The following PTPRK variants were observed in gnomAD, a reference collection of about 807,000 sequenced individuals.
The protein encoded by PTPRK is protein tyrosine phosphatase receptor type K, also known as receptor-type tyrosine-protein phosphatase kappa.
PTPRK carries 75 observed loss-of-function variants against 178.0 expected under a neutral mutation model. That is an observed-to-expected ratio of 0.42 (90% CI 0.35 to 0.51). The LOEUF (loss-of-function observed/expected upper bound fraction) is 0.51, where lower values mean the gene tolerates loss of function less well. Among genes scored for constraint, PTPRK ranks in the 20% least tolerant of loss-of-function variants. The pLI, the probability that PTPRK is intolerant of heterozygous loss-of-function variation, is 0.02. For synonymous variants in PTPRK, 637 were observed against 620.6 expected, an observed-to-expected ratio of 1.03 and a Z score of -0.39; for missense variants, 1,441 against 1,797.8, an observed-to-expected ratio of 0.80 and a Z score of 3.59.
intron 1 of PTPRK, among the ~76,000 whole-genome samples, chr6:128,487,651 T>C (rs560811769): frequency 1.5e-4 from 23 of 152,064 alleles, no homozygotes; most frequent in Non-Finnish European, 2.1e-4. Context: ...CAAAAGGGAA[T>C]GATCTAATAG....
At chr6:128,136,782 A>G (rs999543570) in intron 7 of PTPRK, among the ~76,000 whole-genome samples, 6 of 152,198 alleles carry the variant, frequency 3.9e-5, no homozygotes, top group Non-Finnish European at 7.3e-5. Flanking sequence ...GCCAACAAAG[A>G]AAATGCATTC....
Position 128,342,921 on chromosome 6 carries a change from T to TA in PTPRK, c.224-20612dup, listed in dbSNP as rs772077585. Among the ~76,000 whole-genome samples the TA allele has an allele frequency of 2.2e-3, 329 of 149,976 alleles. 1 individual carries two copies. The highest frequency in any genetic ancestry group is 3.4e-3 in the Middle Eastern group (1 of 292). ...GGGCAACATAGCAAGGCCTCATTTC[T>TA]AAAAAAAAACAATTAAAAAATTAAA... On this transcript the variant is annotated intron_variant, in intron 2 of 29. Transcript: ENST00000368226.
intron 24 of PTPRK, among the ~76,000 whole-genome samples, chr6:127,982,424 C>T (rs1160898679): frequency 6.6e-6 from 1 of 152,170 alleles, no homozygotes; most frequent in Non-Finnish European, 1.5e-5. Flanking sequence ...AGGCACCCGC[C>T]ACCATGCCTG....
At chr6:128,507,991 G>A (rs1465858273) in intron 1 of PTPRK, among the ~76,000 whole-genome samples, 1 of 151,962 alleles carries the variant, frequency 6.6e-6, no homozygotes, top group Non-Finnish European at 1.5e-5. Context: ...TACTTGTTTG[G>A]GTAGTTTTGA....
intron 2 of PTPRK, among the ~76,000 whole-genome samples, chr6:128,328,474 G>A (rs1371043687): frequency 1.3e-5 from 2 of 152,148 alleles, no homozygotes; most frequent in African/African-American, 4.8e-5. Context: ...TAAATTACCA[G>A]AAAATGTCAA....
intron 7 of PTPRK, among the ~76,000 whole-genome samples, chr6:128,167,436 A>T (rs1440693147): frequency 1.3e-5 from 2 of 151,950 alleles, no homozygotes; most frequent in African/African-American, 4.8e-5. Flanking sequence ...CTTATATATT[A>T]TTCTAGTTTT....
At position 128,119,270 on chromosome 6, in the gene PTPRK, G is replaced by T. The variant is rs369975860; in HGVS notation, c.1163-29278C>A. On this transcript the variant is annotated intron_variant, in intron 7 of 29. Coordinates refer to ENST00000368226, the MANE Select transcript of PTPRK (RefSeq NM_002844.4). The stretch of plus-strand genomic sequence containing the variant: ...ACACAAGCCATGGATGTGTTTTTTG[G>T]TTTTTTTTTTAAATTTACATTCCTT... Among the ~76,000 whole-genome samples, 590 of 147,532 alleles carry T rather than the reference G, an allele frequency of 4.0e-3. 2 individuals carry two copies. The highest frequency in any genetic ancestry group is 5.2e-3 in the Admixed American group (76 of 14,754).
intron 3 of PTPRK, among the ~76,000 whole-genome samples, chr6:128,285,513 T>TAA (rs751427928): frequency 8.0e-6 from 1 of 124,544 alleles, no homozygotes. Flanking sequence ...AGACTCTGTC[T>TAA]AAAAAAAAAA....
intron 3 of PTPRK, among the ~76,000 whole-genome samples, chr6:128,316,331 C>G (rs1827989394): frequency 6.6e-6 from 1 of 152,154 alleles, no homozygotes; most frequent in Non-Finnish European, 1.5e-5. Context: ...AAGAAAAAAT[C>G]ATGCATTGAA....
Position 128,134,121 on chromosome 6 carries a change from T to C in PTPRK, c.1163-44129A>G, listed in dbSNP as rs537750574. ...AATAATTAGCAATAAACTATATTTG[T>C]GAGGAAGGATATATTTCCATTTCCA... On this transcript the variant is annotated intron_variant, in intron 7 of 29. Coordinates refer to ENST00000368226, the MANE Select transcript of PTPRK (RefSeq NM_002844.4). 3.3e-5 allele frequency among the ~76,000 whole-genome samples: 5 copies of C among 152,276 alleles called. No individual in the cohort carries two copies. In the South Asian group the frequency reaches 1.0e-3, roughly 32 times the overall value.
intron 13 of PTPRK, among the ~76,000 whole-genome samples, chr6:128,030,295 T>A (rs183538343): frequency 6.6e-6 from 1 of 152,098 alleles, no homozygotes; most frequent in African/African-American, 2.4e-5. Flanking sequence ...GCACCAAAGG[T>A]GACTAAAGTC....
At chr6:128,119,491 A>G (rs566829494) in intron 7 of PTPRK, among the ~76,000 whole-genome samples, 5 of 152,220 alleles carry the variant, frequency 3.3e-5, no homozygotes, top group Admixed American at 3.3e-4. Context: ...AAAATTATAT[A>G]ATAGAAGTTT....
At chr6:128,126,605 G>A (rs1793417940) in intron 7 of PTPRK, among the ~76,000 whole-genome samples, 1 of 152,016 alleles carries the variant, frequency 6.6e-6, no homozygotes. Context: ...TCCCACCTCA[G>A]CCTCCCAGGT....
intron 2 of PTPRK, among the ~76,000 whole-genome samples, chr6:128,336,471 A>T (rs1350658054): frequency 6.6e-6 from 1 of 152,204 alleles, no homozygotes; most frequent in African/African-American, 2.4e-5. Flanking sequence ...CGCTGGGAAA[A>T]TGGGAGGTAA....
chr6:128,413,779 C>T (rs991314508), intron 1 of PTPRK, among the ~76,000 whole-genome samples: 2 of 152,096 alleles, frequency 1.3e-5, no homozygotes, highest in African/African-American at 4.8e-5. Flanking sequence ...AAATGTGATG[C>T]CTACCTAGAA....
In PTPRK at chr6:127,992,563, G is replaced by A. The variant is rs563717399; in HGVS notation, c.2881+110C>T. 1.1e-5 allele frequency: 9 copies of A among 816,794 alleles called. No individual in the cohort carries two copies. In the Admixed American group the frequency reaches 1.7e-4, roughly 16 times the overall value. 50.6% of individuals were successfully genotyped at this position (816,794 alleles called of 1,614,324 possible). A position where few individuals can be genotyped will look rare whatever the true frequency, so the allele number is the denominator to read the frequency against. On this transcript the variant is annotated intron_variant, in intron 19 of 29. Coordinates refer to ENST00000368226, the MANE Select transcript of PTPRK (RefSeq NM_002844.4). ...GAGTAAGGAGCAGTGTTAATCAGAA[G>A]GGCTGATTTTTTTGTTACTAAGATA...
intron 13 of PTPRK, among the ~76,000 whole-genome samples, chr6:128,018,387 A>G (rs1779851613): frequency 6.6e-6 from 1 of 152,120 alleles, no homozygotes; most frequent in Non-Finnish European, 1.5e-5. Context: ...TATAAAATCT[A>G]AAACATTCTT....
chr6:128,220,645 T>C (rs1010963575), intron 5 of PTPRK, among the ~76,000 whole-genome samples: 1 of 152,196 alleles, frequency 6.6e-6, no homozygotes, highest in Non-Finnish European at 1.5e-5. Context: ...ATTCTACTTC[T>C]AGGTTTCCAC....
intron 2 of PTPRK, among the ~76,000 whole-genome samples, chr6:128,329,317 A>G (rs1462850171): frequency 6.6e-5 from 10 of 151,902 alleles, no homozygotes; most frequent in Admixed American, 6.6e-4. Context: ...AAAAGTTGAA[A>G]TTTTCTACCC....
Sources: allele counts gnomAD v4.1 joint callset (sites outside exome capture counted in the v4.1 genomes callset), GRCh38; gene constraint gnomAD v4.1.1; transcripts MANE v1.5; gene names NCBI Gene and HGNC (gene_info 2026-07-23, HGNC 2026-07-21).